The following PCDH15 variants were observed in gnomAD, a reference collection of about 807,000 sequenced individuals.
PCDH15 encodes the protein protocadherin related 15.
Under a neutral mutation model 178.5 loss-of-function variants are expected in PCDH15, and 129 were observed. That is an observed-to-expected ratio of 0.72 (90% CI 0.63 to 0.84). The LOEUF (loss-of-function observed/expected upper bound fraction) is 0.84, where lower values mean the gene tolerates loss of function less well. Among genes scored for constraint, PCDH15 ranks in the 40% least tolerant of loss-of-function variants. The pLI is 0.00. For synonymous variants in PCDH15, 800 were observed against 732.0 expected, an observed-to-expected ratio of 1.09 and a Z score of -1.50; for missense variants, 2,230 against 2,099.9, an observed-to-expected ratio of 1.06 and a Z score of -1.21.
upstream of PCDH15, among the ~76,000 whole-genome samples, chr10:54,802,219 AC>A (rs1374455313): frequency 2.0e-5 from 3 of 152,180 alleles, no homozygotes; most frequent in African/African-American, 7.2e-5. Context: ...GAAAAAGAAA[AC>A]CATGCCTCCA....
At chr10:53,809,575 G>C in intron 37 of PCDH15, 1 of 1,596,846 alleles carries the variant, frequency 6.3e-7, no homozygotes, top group Non-Finnish European at 8.5e-7. Context: ...CAATTGAAGT[G>C]TCAGCTTGGA....
chr10:54,974,468 A>T (rs1179014094), intron 2 of PCDH15, among the ~76,000 whole-genome samples: 1 of 151,808 alleles, frequency 6.6e-6, no homozygotes, highest in Non-Finnish European at 1.5e-5. Context: ...TTCATGTAAT[A>T]TACATGAACG....
At chr10:54,241,061 A>G (rs2055233038) in intron 8 of PCDH15, among the ~76,000 whole-genome samples, 1 of 152,186 alleles carries the variant, frequency 6.6e-6, no homozygotes, top group Non-Finnish European at 1.5e-5. Flanking sequence ...AATTTTGCCA[A>G]CTTATTCTGT....
chr10:54,170,296 G>T (rs2133603778), intron 13 of PCDH15, among the ~76,000 whole-genome samples: 1 of 152,112 alleles, frequency 6.6e-6, no homozygotes, highest in Admixed American at 6.5e-5. Context: ...TCCTAGGCAT[G>T]GTTAGTGTGG....
intron 17 of PCDH15, among the ~76,000 whole-genome samples, chr10:54,075,392 AG>A (rs59952271): frequency 0.61 from 91,892 of 151,314 alleles, 30,261 homozygotes; most frequent in Non-Finnish European, 0.74. Context: ...ATAAAAAAAA[AG>A]ATCTATATAT....
chr10:54,393,474 A>G (rs964834420), intron 3 of PCDH15, among the ~76,000 whole-genome samples: 4 of 152,188 alleles, frequency 2.6e-5, no homozygotes, highest in African/African-American at 9.7e-5. Context: ...TAAAAACTGA[A>G]CTAAATGGAA....
intron 1 of PCDH15, among the ~76,000 whole-genome samples, chr10:54,697,030 C>T (rs1444918445): frequency 2.0e-5 from 3 of 152,040 alleles, no homozygotes; most frequent in African/African-American, 7.2e-5. Flanking sequence ...ACTCCTTGGC[C>T]TCCTGTGTAG....
chr10:54,069,665 A>G (rs1004892913), intron 17 of PCDH15, among the ~76,000 whole-genome samples: 1 of 152,186 alleles, frequency 6.6e-6, no homozygotes, highest in African/African-American at 2.4e-5. Context: ...TTCTGAACCT[A>G]TGGAAATATT....
Position 54,530,435 on chromosome 10 carries a change from A to T in PCDH15, c.92-2558T>A, listed in dbSNP as rs558729850. 3.3e-5 allele frequency among the ~76,000 whole-genome samples: 5 copies of T among 152,232 alleles called. No homozygotes were observed. In the South Asian group the frequency reaches 1.0e-3, roughly 32 times the overall value. Reference sequence around the variant, plus strand: ...CTAATTGCCCCATTGGCACAATACTAATGTGTCTTTCTCTCTCACAAGAGC... The same window carrying T: ...CTAATTGCCCCATTGGCACAATACTTATGTGTCTTTCTCTCTCACAAGAGC... On this transcript the variant is annotated intron_variant, in intron 2 of 37. Transcript: ENST00000644397.
In PCDH15 at chr10:54,528,370, T is replaced by A. The variant is rs77290854; in HGVS notation, c.92-493A>T. 2,431 of 1,568,094 alleles carry A rather than the reference T, an allele frequency of 1.6e-3. 35 individuals carry two copies. The African/African-American group carries it at 0.029, about 19-fold the overall frequency. On this transcript the variant is annotated intron_variant, in intron 2 of 37. Coordinates refer to ENST00000644397, the MANE Select transcript of PCDH15 (RefSeq NM_001384140.1). Reference sequence around the variant, plus strand: ...ATGCTCATGAGGTTGTTTGGGGTTTTTATTTTTGTCATCTTACCCTCATAT... The same window carrying A: ...ATGCTCATGAGGTTGTTTGGGGTTTATATTTTTGTCATCTTACCCTCATAT...
At position 54,153,154 on chromosome 10, in the gene PCDH15, C is replaced by A. The variant is rs753457449; in HGVS notation, c.1730G>T (p.Arg577Leu). Residue 577 changes from arginine (R) to leucine (L), a missense_variant, in exon 14 of 38, where the codon CGG becomes CTG. Coordinates refer to ENST00000644397, the MANE Select transcript of PCDH15 (RefSeq NM_001384140.1). The stretch of plus-strand genomic sequence containing the variant: ...TGCTTGGACCGTGAGTGCGTAAGTC[C>A]GCCCGACTATCATTTCCACCCCTGG... Reference protein sequence around the residue: ...IAPGVEMIVGRTYALTVQAAD... With the variant: ...IAPGVEMIVGLTYALTVQAAD... 3.7e-6 allele frequency: 6 copies of A among 1,613,874 alleles called. No homozygotes were observed. In the East Asian group the frequency reaches 8.9e-5, roughly 24 times the overall value.
At chr10:54,323,965 T>C (rs1935468) in intron 7 of PCDH15, among the ~76,000 whole-genome samples, 107,231 of 151,980 alleles carry the variant, frequency 0.71, 38,583 homozygotes, top group Middle Eastern at 0.81. Flanking sequence ...AGAATTATAT[T>C]ATCATTTATA....
intron 2 of PCDH15, among the ~76,000 whole-genome samples, chr10:55,063,394 A>C (rs1398863203): frequency 6.6e-6 from 1 of 152,106 alleles, no homozygotes; most frequent in Non-Finnish European, 1.5e-5. Flanking sequence ...TTCTGAAACA[A>C]TATATCTGTC....
At chr10:54,428,307 G>T (rs1673758248) in intron 3 of PCDH15, among the ~76,000 whole-genome samples, 1 of 152,176 alleles carries the variant, frequency 6.6e-6, no homozygotes, top group African/African-American at 2.4e-5. Flanking sequence ...GGACAACTCT[G>T]AAAGATGCCC....
chr10:54,847,367 CTTAA>C (rs1295752999), intron 3 of PCDH15, among the ~76,000 whole-genome samples: 1 of 152,018 alleles, frequency 6.6e-6, no homozygotes, highest in African/African-American at 2.4e-5. Flanking sequence ...TTAATATGTA[CTTAA>C]TTGTCTTATA....
chr10:55,588,893 C>A (rs1323370748), intron 2 of PCDH15, among the ~76,000 whole-genome samples: 1 of 151,866 alleles, frequency 6.6e-6, no homozygotes, highest in Non-Finnish European at 1.5e-5. Flanking sequence ...ACCAGCCTGA[C>A]CAACATGGAG....
At position 54,132,879 on chromosome 10, in the gene PCDH15, A is replaced by T; in HGVS notation, c.1913T>A (p.Leu638Gln). 1 of 1,612,178 alleles carries T rather than the reference A, an allele frequency of 6.2e-7. No individual in the cohort carries two copies. Among genetic ancestry groups the T allele is most frequent in the Non-Finnish European group, 8.5e-7 (1 of 1,179,042 alleles). ...AMRVGAVLLN[L>Q]QATDREGDSI... Reference sequence around the variant, plus strand: ...CACACACACCAAGGAACATACCTGTAGATTTAATAAAACAGCACCAACCCT... The same window carrying T: ...CACACACACCAAGGAACATACCTGTTGATTTAATAAAACAGCACCAACCCT... The change falls in exon 15 of 38, where the codon CTA becomes CAA. Residue 638 changes from leucine (L) to glutamine (Q), a missense_variant. Transcript: ENST00000644397.
chr10:54,728,678 A>C (rs1420490546), intron 1 of PCDH15, among the ~76,000 whole-genome samples: 2 of 151,462 alleles, frequency 1.3e-5, no homozygotes, highest in Non-Finnish European at 3.0e-5. Context: ...ATGCCTAGAA[A>C]ACCCCATAGT....
chr10:54,302,845 T>G (rs1373781842), intron 8 of PCDH15, among the ~76,000 whole-genome samples: 1 of 152,114 alleles, frequency 6.6e-6, no homozygotes, highest in Non-Finnish European at 1.5e-5. Flanking sequence ...CCATCTACTT[T>G]ACAAAGTAAA....
Sources: gnomAD v4.1 joint callset for allele counts (sites outside exome capture counted in the v4.1 genomes callset) on GRCh38, gnomAD v4.1.1 for gene constraint, MANE v1.5 for transcripts, NCBI Gene and HGNC (gene_info 2026-07-23, HGNC 2026-07-21) for gene names.